ASTN2: variants seen among roughly 807,000 people sequenced by gnomAD.
ASTN2 encodes the protein astrotactin-2.
ASTN2 carries 54 observed loss-of-function variants against 139.8 expected under a neutral mutation model. The ratio of observed to expected loss-of-function variants is 0.39; its 90% confidence interval spans 0.31 to 0.48. The LOEUF is 0.48. ASTN2 is among the 20% of genes least tolerant of loss of function. The pLI is 0.95. For missense variants in ASTN2, 1,565 were observed against 1,725.1 expected, an observed-to-expected ratio of 0.91 and a Z score of 1.64; for synonymous variants, 756 against 719.5, an observed-to-expected ratio of 1.05 and a Z score of -0.81.
intron 19 of ASTN2, among the ~76,000 whole-genome samples, chr9:116,609,728 GAA>G (rs955162312): frequency 2.0e-5 from 3 of 151,590 alleles, no homozygotes; most frequent in Admixed American, 6.6e-5. Context: ...CTTAAATACC[GAA>G]AAAATAATTA....
intron 16 of ASTN2, among the ~76,000 whole-genome samples, chr9:116,675,235 T>A (rs1418337609): frequency 1.3e-5 from 2 of 152,160 alleles, no homozygotes; most frequent in African/African-American, 4.8e-5. Context: ...GGAGAAATAA[T>A]CCTGGGGAGA....
chr9:116,543,181 G>C (rs1382693213), intron 19 of ASTN2, among the ~76,000 whole-genome samples: 2 of 151,416 alleles, frequency 1.3e-5, no homozygotes, highest in Non-Finnish European at 2.9e-5. Context: ...CACAGGTATA[G>C]AGATTATAGC....
chr9:116,557,223 C>CAAAAAAAAAAAAAAAAAAA (rs60756690), intron 19 of ASTN2, among the ~76,000 whole-genome samples: 4 of 53,592 alleles, frequency 7.5e-5, no homozygotes, highest in African/African-American at 3.0e-4. Flanking sequence ...GACTCTGTCT[C>CAAAAAAAAAAAAAAAAAAA]AAAAAAAAAA....
At chr9:117,147,285 C>T (rs1046070615) in intron 3 of ASTN2, among the ~76,000 whole-genome samples, 2 of 152,032 alleles carry the variant, frequency 1.3e-5, no homozygotes, top group African/African-American at 4.8e-5. Context: ...ATTTAAAATG[C>T]AAAAATTAGC....
At chr9:116,458,711 T>C (rs1388820669) in intron 20 of ASTN2, among the ~76,000 whole-genome samples, 3 of 151,776 alleles carry the variant, frequency 2.0e-5, no homozygotes, top group Admixed American at 1.3e-4. Context: ...AAAAGAAGCA[T>C]AAGACTTGAA....
At chr9:117,162,541 A>G (rs990854893) in intron 3 of ASTN2, among the ~76,000 whole-genome samples, 5 of 152,076 alleles carry the variant, frequency 3.3e-5, no homozygotes, top group African/African-American at 1.2e-4. Context: ...TACTAAAAAC[A>G]AGGACTCTAA....
intron 11 of ASTN2, among the ~76,000 whole-genome samples, chr9:116,858,875 GC>G (rs1366001866): frequency 1.3e-5 from 2 of 152,088 alleles, no homozygotes; most frequent in Non-Finnish European, 2.9e-5. Context: ...TGCTATTGTA[GC>G]AAATTACTAT....
At chr9:116,948,294 G>A (rs1835453290) in intron 10 of ASTN2, among the ~76,000 whole-genome samples, 1 of 152,164 alleles carries the variant, frequency 6.6e-6, no homozygotes, top group Admixed American at 6.5e-5. Context: ...AACATTAAAT[G>A]TATTCATTTA....
chr9:116,512,642 T>G (rs555703869), intron 19 of ASTN2, among the ~76,000 whole-genome samples: 13 of 152,312 alleles, frequency 8.5e-5, no homozygotes, highest in Non-Finnish European at 1.5e-5. Flanking sequence ...AGTCTAAGTC[T>G]CTTTGTAAGT....
At chr9:117,272,421 G>A (rs955145533) in intron 2 of ASTN2, among the ~76,000 whole-genome samples, 2 of 152,224 alleles carry the variant, frequency 1.3e-5, no homozygotes, top group African/African-American at 2.4e-5. Flanking sequence ...GCATGTCCTG[G>A]AGATGTTTTC....
intron 19 of ASTN2, among the ~76,000 whole-genome samples, chr9:116,545,195 T>C (rs143889290): frequency 1.3e-3 from 198 of 152,314 alleles, no homozygotes; most frequent in African/African-American, 4.5e-3. Context: ...CCTGGGGCCA[T>C]TGGCTTGCCT....
chr9:116,437,291 A>T (rs1263312471), intron 22 of ASTN2: 1 of 471,148 alleles, frequency 2.1e-6, no homozygotes, highest in African/African-American at 2.0e-5. Context: ...CCAGGGTTGC[A>T]CAGTGAGCTT....
chr9:116,505,114 T>G (rs1850052075), intron 19 of ASTN2, among the ~76,000 whole-genome samples: 1 of 151,840 alleles, frequency 6.6e-6, no homozygotes, highest in South Asian at 2.1e-4. Flanking sequence ...ATGCTTTACA[T>G]TCTCAATAAT....
chr9:117,064,461 G>A (rs1051801954), intron 5 of ASTN2, among the ~76,000 whole-genome samples: 1 of 152,204 alleles, frequency 6.6e-6, no homozygotes, highest in African/African-American at 2.4e-5. Flanking sequence ...ATCACCCAAT[G>A]TTAAGAATCC....
At chr9:116,843,817 G>A (rs749679546) in intron 11 of ASTN2, among the ~76,000 whole-genome samples, 38 of 152,142 alleles carry the variant, frequency 2.5e-4, no homozygotes, top group African/African-American at 2.9e-4. Context: ...TGGGCACTAC[G>A]CTTAGTACCT....
intron 1 of ASTN2, among the ~76,000 whole-genome samples, chr9:117,343,587 G>A (rs745895885): frequency 3.3e-5 from 5 of 152,180 alleles, no homozygotes; most frequent in Non-Finnish European, 7.4e-5. Context: ...CTGTGAGATA[G>A]ACACTATTAT....
chr9:117,102,959 G>A (rs1381503219), intron 4 of ASTN2, among the ~76,000 whole-genome samples: 1 of 152,122 alleles, frequency 6.6e-6, no homozygotes, highest in East Asian at 1.9e-4. Flanking sequence ...GAGAGACAGG[G>A]AGAGGGAAAG....
intron 17 of ASTN2, among the ~76,000 whole-genome samples, chr9:116,634,344 A>G (rs372213318): frequency 6.6e-6 from 1 of 151,850 alleles, no homozygotes; most frequent in African/African-American, 2.4e-5. Flanking sequence ...TAATCCCAGC[A>G]CTTTGGGAGG....
chr9:116,678,086 G>T (rs1588180056), intron 16 of ASTN2, among the ~76,000 whole-genome samples: 1 of 152,138 alleles, frequency 6.6e-6, no homozygotes, highest in Non-Finnish European at 1.5e-5. Context: ...TAATCTTTTG[G>T]AAATAAAGAC....
Sources: allele counts gnomAD v4.1 joint callset (sites outside exome capture counted in the v4.1 genomes callset), GRCh38; gene constraint gnomAD v4.1.1; transcripts MANE v1.5; gene names NCBI Gene and HGNC (gene_info 2026-07-23, HGNC 2026-07-21).